The following ERC1 variants were observed in gnomAD, a reference collection of about 807,000 sequenced individuals.
The protein encoded by ERC1 is RAB6 interacting protein 2.
ERC1 carries 56 observed loss-of-function variants against 132.0 expected under a neutral mutation model. That is an observed-to-expected ratio of 0.42 (90% CI 0.34 to 0.53). ERC1 has a LOEUF of 0.53. Ranked by LOEUF, ERC1 falls within the 20% of genes least tolerant of loss-of-function variation. The pLI is 0.03. For missense variants in ERC1, 1,202 were observed against 1,349.9 expected (o/e 0.89, Z 1.72); for synonymous variants, 478 against 476.1 (o/e 1.00, Z -0.05).
At chr12:1,254,212 C>T (rs1480869241) in intron 13 of ERC1, among the ~76,000 whole-genome samples, 3 of 152,158 alleles carry the variant, frequency 2.0e-5, no homozygotes, top group Non-Finnish European at 4.4e-5. Context: ...TGTTCCTTTG[C>T]TATCTCTAGA....
intron 7 of ERC1, among the ~76,000 whole-genome samples, chr12:1,135,241 C>G (rs1352382854): frequency 6.6e-6 from 1 of 152,182 alleles, no homozygotes; most frequent in Non-Finnish European, 1.5e-5. Flanking sequence ...ATCTTCCAAA[C>G]TCAGTTCTCC....
In ERC1 at chr12:1,183,291, T is replaced by C; in HGVS notation, c.2027T>C (p.Leu676Ser). 1 of 1,559,760 alleles carries C rather than the reference T, an allele frequency of 6.4e-7. No individual in the cohort carries two copies. The highest frequency in any genetic ancestry group is 1.2e-5 in the South Asian group (1 of 80,216). ...TGTTCCTTCTTTTAGGCTTCACTTTTGGATCTGAAAGAGCATGCTTCTTCT... is the reference window on the plus strand; with the variant it reads ...TGTTCCTTCTTTTAGGCTTCACTTTCGGATCTGAAAGAGCATGCTTCTTCT... The part of the protein sequence containing the change: ...GDLSEKEASL[L>S]DLKEHASSLA... Residue 676 changes from leucine (L) to serine (S), a missense_variant, in exon 11 of 19, where the codon TTG (leucine) becomes TCG (serine). Leu to Ser is a moderately radical substitution (Grantham distance 145). Transcript: ENST00000360905.
rs749727417 is a variant in ERC1, at chr12:1,071,570, G to T, written c.670-11594G>T. Among the ~76,000 whole-genome samples, 97 of 150,898 alleles carry T rather than the reference G, an allele frequency of 6.4e-4. 1 individual carries two copies. Among genetic ancestry groups the T allele is most frequent in the Middle Eastern group, 3.2e-3 (1 of 316 alleles). On this transcript the variant is annotated intron_variant, in intron 2 of 18. Coordinates refer to ENST00000360905, the MANE Select transcript of ERC1 (RefSeq NM_178040.4). Reference sequence around the variant, plus strand: ...AAAGTTTTTTTTTTTTAATTGAGTTGTAGAAGTAGTTTATATATTCTGGAT... The same window carrying T: ...AAAGTTTTTTTTTTTTAATTGAGTTTTAGAAGTAGTTTATATATTCTGGAT...
rs1486676056 is a variant in ERC1 at position 1,418,656 on chromosome 12, TC to T, written c.3024+10410del. 1.7e-3 allele frequency among the ~76,000 whole-genome samples: 244 copies of T among 144,598 alleles called. 3 individuals carry two copies. Among genetic ancestry groups the T allele is most frequent in the African/African-American group, 6.0e-3 (228 of 37,718 alleles). 94.9% of individuals were successfully genotyped at this position (144,598 alleles called of 152,430 possible). ...CTTTCTTTCTTTCTCTCTCTCTCTC[TC>T]TCTCTTTCTTTTCTTTCTTTCTTTC... On this transcript the variant is annotated intron_variant, in intron 17 of 18. Transcript: ENST00000360905.
chr12:1,093,981 A>ATATT lies in ERC1; in HGVS notation c.1086+10404_1086+10405insTTAT, dbSNP rs1555236299. Among the ~76,000 whole-genome samples the ATATT allele has an allele frequency of 2.3e-4, 30 of 131,982 alleles. 1 individual carries two copies. Among genetic ancestry groups the ATATT allele is most frequent in the African/African-American group, 7.1e-4 (26 of 36,814 alleles). The allele number at this position is 131,982 out of a possible 152,430, so 86.6% of individuals were successfully genotyped here. On this transcript the variant is annotated intron_variant, in intron 3 of 18. Coordinates refer to ENST00000360905, the MANE Select transcript of ERC1 (RefSeq NM_178040.4). ...TCTATATATATATATATATATATAT[A>ATATT]TATAGAAAAACATAGAAAATGAATA...
At chr12:998,433 C>G (rs1961405633) in intron 1 of ERC1, 1 of 152,196 alleles carries the variant, frequency 6.6e-6, no homozygotes, top group African/African-American at 2.4e-5. Flanking sequence ...CAAGCTCACT[C>G]ATGCGGCAAT....
At chr12:1,069,578 G>A (rs1030193146) in intron 2 of ERC1, among the ~76,000 whole-genome samples, 11 of 152,082 alleles carry the variant, frequency 7.2e-5, no homozygotes, top group Admixed American at 4.6e-4. Context: ...GATATTATTC[G>A]TATAGTGGAA....
intron 13 of ERC1, among the ~76,000 whole-genome samples, chr12:1,239,584 G>A (rs1281397461): frequency 6.6e-6 from 1 of 152,130 alleles, no homozygotes; most frequent in Non-Finnish European, 1.5e-5. Context: ...CTGGCAGGAT[G>A]GTGTACACGT....
intron 15 of ERC1, among the ~76,000 whole-genome samples, chr12:1,343,861 T>TTA (rs1566636893): frequency 6.6e-6 from 1 of 151,928 alleles, no homozygotes; most frequent in Non-Finnish European, 1.5e-5. Flanking sequence ...TTTTTTTTTT[T>TTA]AAGACAGTCT....
At chr12:1,409,672 G>A (rs1281699842) in intron 17 of ERC1, among the ~76,000 whole-genome samples, 1 of 152,074 alleles carries the variant, frequency 6.6e-6, no homozygotes, top group Non-Finnish European at 1.5e-5. Context: ...CATAGTATTT[G>A]CATATAAGCT....
Position 1,313,956 on chromosome 12 carries a change from C to G in ERC1, c.2780+23944C>G, listed in dbSNP as rs141254249. Among the ~76,000 whole-genome samples the G allele has an allele frequency of 8.1e-3, 1,230 of 152,128 alleles. 27 individuals are homozygous for G. The highest frequency in any genetic ancestry group is 0.029 in the East Asian group (148 of 5,176). On this transcript the variant is annotated intron_variant, in intron 15 of 18. Coordinates refer to ENST00000360905, the MANE Select transcript of ERC1 (RefSeq NM_178040.4). ...CCCAGATCACACCATTGCACTTCAG[C>G]CTGGGCAACAGAGTGAGACTCTGTC...
At chr12:1,300,511 G>A (rs2080306138) in intron 15 of ERC1, among the ~76,000 whole-genome samples, 1 of 152,058 alleles carries the variant, frequency 6.6e-6, no homozygotes, top group Non-Finnish European at 1.5e-5. Context: ...TACCAAGAGA[G>A]TAAACAGACA....
In ERC1 at chr12:1,424,851, TAGATAGATAGATCGATA is replaced by T. The variant is rs1565411277; in HGVS notation, c.3024+16605_3024+16621del. 2.0e-3 allele frequency among the ~76,000 whole-genome samples: 240 copies of T among 122,284 alleles called. 2 individuals carry two copies. Among genetic ancestry groups the T allele is most frequent in the African/African-American group, 6.3e-3 (157 of 24,962 alleles). The allele number at this position is 122,284 out of a possible 152,430, so 80.2% of individuals were successfully genotyped here. Reference sequence around the variant, plus strand: ...GATAGATAGATAGATAGATGATAGATAGATAGATAGATCGATAGATAGATAGATAGATAGATAGATAG... The same window carrying T: ...GATAGATAGATAGATAGATGATAGATGATAGATAGATAGATAGATAGATAG... On this transcript the variant is annotated intron_variant, in intron 17 of 18. Coordinates refer to ENST00000360905, the MANE Select transcript of ERC1 (RefSeq NM_178040.4).
chr12:1,062,400 G>T (rs1356750152), intron 2 of ERC1, among the ~76,000 whole-genome samples: 38 of 152,210 alleles, frequency 2.5e-4, no homozygotes, highest in Non-Finnish European at 2.9e-5. Context: ...GGGATTTCAG[G>T]CATGAGCCAC....
chr12:1,460,958 CTTTTTTT>C (rs35505633), intron 18 of ERC1, among the ~76,000 whole-genome samples: 3 of 64,950 alleles, frequency 4.6e-5, no homozygotes, highest in African/African-American at 1.8e-4. Context: ...TGAGGAGGCC[CTTTTTTT>C]TTTTTTTTTT....
chr12:1,080,926 A>G (rs1289581549), intron 2 of ERC1, among the ~76,000 whole-genome samples: 2 of 150,260 alleles, frequency 1.3e-5, no homozygotes, highest in East Asian at 3.9e-4. Flanking sequence ...CAGCCACCTT[A>G]TTTCCAAAAA....
chr12:1,467,857 C>G (rs73599995), intron 18 of ERC1, among the ~76,000 whole-genome samples: 1 of 152,160 alleles, frequency 6.6e-6, no homozygotes, highest in African/African-American at 2.4e-5. Flanking sequence ...CCCTCGCGTG[C>G]GTGGTTCACA....
rs142330206 is a variant in ERC1 at position 1,284,251 on chromosome 12, G to A, written c.2620-5601G>A. ...AATGACAGGATTTCATTCTTTTTAT[G>A]GCTGAATAGTATTCGTGTGTGTGTG... On this transcript the variant is annotated intron_variant, in intron 14 of 18. Transcript: ENST00000360905. 3.6e-3 allele frequency among the ~76,000 whole-genome samples: 532 copies of A among 147,824 alleles called. 2 individuals are homozygous for A. Among genetic ancestry groups the A allele is most frequent in the African/African-American group, 0.012 (496 of 40,082 alleles).
chr12:1,491,769 A>AC lies in ERC1; in HGVS notation c.*1543dup. The AC allele has an allele frequency of 4.3e-6, 1 of 231,890 alleles. No individual in the cohort carries two copies. The highest frequency in any genetic ancestry group is 8.5e-6 in the Non-Finnish European group (1 of 117,196). 14.4% of individuals were successfully genotyped at this position (231,890 alleles called of 1,614,324 possible). On this transcript the variant is annotated 3_prime_UTR_variant, in exon 19 of 19. Coordinates refer to ENST00000360905, the MANE Select transcript of ERC1 (RefSeq NM_178040.4). ...CTTCATGTTGCAAATCAGAAAGCTGACCCCAAGACTGCAAATCAATGAAGG... is the reference window on the plus strand; with the variant it reads ...CTTCATGTTGCAAATCAGAAAGCTGACCCCCAAGACTGCAAATCAATGAAGG...
Sources: gnomAD v4.1 joint callset for allele counts (sites outside exome capture counted in the v4.1 genomes callset) on GRCh38, gnomAD v4.1.1 for gene constraint, MANE v1.5 for transcripts, NCBI Gene and HGNC (gene_info 2026-07-23, HGNC 2026-07-21) for gene names.